TJP1: variants seen among roughly 807,000 people sequenced by gnomAD.
TJP1 encodes tight junction protein 1, also known as tight junction protein ZO-1.
TJP1 carries 43 observed loss-of-function variants against 194.2 expected under a neutral mutation model. The observed-to-expected ratio is 0.22, with a 90% CI of 0.17 to 0.29. The LOEUF (loss-of-function observed/expected upper bound fraction) is 0.29, where lower values mean the gene tolerates loss of function less well. Among genes scored for constraint, TJP1 ranks in the 10% least tolerant of loss-of-function variants. The pLI is 1.00. For missense variants in TJP1, 1,971 were observed against 2,185.7 expected, an observed-to-expected ratio of 0.90 and a Z score of 1.96; for synonymous variants, 801 against 779.0, an observed-to-expected ratio of 1.03 and a Z score of -0.47.
intron 1 of TJP1, among the ~76,000 whole-genome samples, chr15:29,803,984 A>T (rs2048956017): frequency 6.6e-6 from 1 of 152,030 alleles, no homozygotes. Context: ...AACCAACTTA[A>T]TCCATAATAT....
chr15:29,909,665 A>C (rs139510409), intron 2 of TJP1, among the ~76,000 whole-genome samples: 69 of 152,162 alleles, frequency 4.5e-4, no homozygotes, highest in African/African-American at 1.6e-3. Flanking sequence ...CCACTGTGCA[A>C]AGACCTGCTG....
intron 2 of TJP1, among the ~76,000 whole-genome samples, chr15:29,929,134 T>C (rs1339392951): frequency 2.6e-5 from 4 of 151,998 alleles, no homozygotes; most frequent in Non-Finnish European, 4.4e-5. Context: ...GATCAAAGAA[T>C]CTTTATCATA....
intron 5 of TJP1, among the ~76,000 whole-genome samples, chr15:29,765,906 C>CAAA (rs2046303099): frequency 6.6e-6 from 1 of 152,072 alleles, no homozygotes; most frequent in Non-Finnish European, 1.5e-5. Flanking sequence ...ACAAAAACAA[C>CAAA]AACAACAACA....
chr15:29,940,928 A>G (rs2055051365), intron 2 of TJP1, among the ~76,000 whole-genome samples: 1 of 152,098 alleles, frequency 6.6e-6, no homozygotes, highest in Admixed American at 6.6e-5. Context: ...GCACCCAGAG[A>G]TGAGTCCACT....
rs1332397222 is a variant in TJP1, at chr15:29,728,007, C to T, written c.2030G>A (p.Arg677Gln). 1.1e-5 allele frequency: 18 copies of T among 1,613,858 alleles called. No homozygotes were observed. Among genetic ancestry groups the T allele is most frequent in the Admixed American group, 3.3e-5 (2 of 59,994 alleles). ...GCTACGTTGGTCAGTTCCAGCGTCT[C>T]GTGGTTCACTCTCTATTCATTATGT... ...DIYQIAKSEP[R>Q]DAGTDQRSSG... Residue 677 changes from arginine to glutamine, a missense_variant, in exon 16 of 28, where the codon CGA (arginine) becomes CAA (glutamine). Physicochemically the swap from Arg to Gln is conservative, Grantham distance 43. Around this residue, in one of 5 missense-constraint regions of TJP1, gnomAD observed 402 missense variants for 484.2 expected, o/e 0.83. Transcript: ENST00000614355.
rs555695505 is a variant in TJP1 at position 29,955,090 on chromosome 15, A to T, written c.306+1142T>A. On this transcript the variant is annotated intron_variant, in intron 2 of 28. Transcript: ENST00000356107. The stretch of plus-strand genomic sequence containing the variant: ...GCAAGACTCCATCTCAGAAAAAAAA[A>T]AATAATAATAATAGAGTATTCACAT... Among the ~76,000 whole-genome samples the T allele has an allele frequency of 1.4e-3, 207 of 152,258 alleles. 1 individual carries two copies. The highest frequency in any genetic ancestry group is 3.8e-3 in the African/African-American group (159 of 41,570).
At chr15:29,764,166 G>A (rs1482362707) in intron 5 of TJP1, among the ~76,000 whole-genome samples, 2 of 152,194 alleles carry the variant, frequency 1.3e-5, no homozygotes, top group Admixed American at 6.5e-5. Context: ...AATCCCAAAT[G>A]CGGTGAGTTC....
chr15:29,933,452 T>C (rs1249861504), intron 2 of TJP1, among the ~76,000 whole-genome samples: 2 of 152,138 alleles, frequency 1.3e-5, no homozygotes, highest in Non-Finnish European at 2.9e-5. Flanking sequence ...CAGGATATTG[T>C]GGAAGAATGT....
At chr15:29,944,704 C>T (rs976350945) in intron 2 of TJP1, among the ~76,000 whole-genome samples, 1 of 152,114 alleles carries the variant, frequency 6.6e-6, no homozygotes, top group East Asian at 1.9e-4. Flanking sequence ...TTAAATCAAT[C>T]GGATTTTACC....
intron 11 of TJP1, among the ~76,000 whole-genome samples, chr15:29,735,535 C>T (rs573678343): frequency 2.7e-5 from 4 of 148,872 alleles, no homozygotes; most frequent in African/African-American, 5.0e-5. Flanking sequence ...TGCAGTGAGC[C>T]GTGATCACAC....
intron 2 of TJP1, among the ~76,000 whole-genome samples, chr15:29,849,098 AT>A (rs2152079042): frequency 6.6e-6 from 1 of 152,298 alleles, no homozygotes; most frequent in African/African-American, 2.4e-5. Flanking sequence ...GAAACTTTAA[AT>A]TTAATTACAT....
In TJP1 at chr15:29,716,906, G is replaced by T. The variant is rs527810187; in HGVS notation, c.3975-68C>A. ...TAATGTTATGAAGGAAGTAGAATAT[G>T]TAAGTCTTATCTTGACTAAAAGGTC... On this transcript the variant is annotated intron_variant, in intron 22 of 27. Coordinates refer to ENST00000614355, the MANE Select transcript of TJP1 (RefSeq NM_001330239.4). 23 of 1,362,768 alleles carry T rather than the reference G, an allele frequency of 1.7e-5. No individual in the cohort carries two copies. In the East Asian group the frequency reaches 3.0e-4, roughly 18 times the overall value. The allele number at this position is 1,362,768 out of a possible 1,614,324, so 84.4% of individuals were successfully genotyped here. A position where few individuals can be genotyped will look rare whatever the true frequency, so the allele number is the denominator to read the frequency against.
At position 29,742,090 on chromosome 15, in the gene TJP1, C is replaced by CA. The variant is rs562071033; in HGVS notation, c.1150+551dup. Among the ~76,000 whole-genome samples the CA allele has an allele frequency of 5.4e-4, 82 of 151,926 alleles. No individual in the cohort carries two copies. In the South Asian group the frequency reaches 6.7e-3, roughly 12 times the overall value. On this transcript the variant is annotated intron_variant, in intron 9 of 27. Coordinates refer to ENST00000614355, the MANE Select transcript of TJP1 (RefSeq NM_001330239.4). ...AACAACAAAAAACAAAGAAAACCCACAAAAAAACCCCAGAAAACCCAAAAT... is the reference window on the plus strand; with the variant it reads ...AACAACAAAAAACAAAGAAAACCCACAAAAAAAACCCCAGAAAACCCAAAAT...
chr15:29,898,515 T>C (rs2053544760), intron 2 of TJP1, among the ~76,000 whole-genome samples: 1 of 152,216 alleles, frequency 6.6e-6, no homozygotes, highest in African/African-American at 2.4e-5. Context: ...TATTTAATTT[T>C]CATCAATAGT....
intron 6 of TJP1, 49 bp from the exon 7 acceptor site, chr15:29,761,818 A>G: frequency 7.0e-7 from 1 of 1,436,326 alleles, no homozygotes. Context: ...TAAAATACAA[A>G]TGTTAACTTA....
At chr15:29,839,503 G>C (rs1205854886) in intron 2 of TJP1, among the ~76,000 whole-genome samples, 1 of 152,072 alleles carries the variant, frequency 6.6e-6, no homozygotes, top group Non-Finnish European at 1.5e-5. Context: ...AAATTAGCAG[G>C]GTGTGGTGGT....
intron 2 of TJP1, among the ~76,000 whole-genome samples, chr15:29,796,447 G>A (rs531680744): frequency 4.1e-5 from 6 of 146,260 alleles, no homozygotes; most frequent in Non-Finnish European, 9.0e-5. Context: ...AGAAACATGA[G>A]ATATTTAACT....
intron 1 of TJP1, among the ~76,000 whole-genome samples, chr15:29,814,006 G>A (rs1016336028): frequency 6.6e-6 from 1 of 152,186 alleles, no homozygotes; most frequent in African/African-American, 2.4e-5. Flanking sequence ...TATTCAAGGA[G>A]CTGTTAAGCA....
Position 29,808,211 on chromosome 15 carries a change from T to A in TJP1, c.28-7509A>T, listed in dbSNP as rs577539368. ...TGAACCCAGGAGGTGGAGTTTGCAG[T>A]GAGCCGAGATTGCACCACTGCACTC... On this transcript the variant is annotated intron_variant, in intron 1 of 27. Coordinates refer to ENST00000614355, the MANE Select transcript of TJP1 (RefSeq NM_001330239.4). Among the ~76,000 whole-genome samples the A allele has an allele frequency of 1.7e-4, 26 of 152,254 alleles. 1 individual carries two copies. The East Asian group carries it at 3.9e-3, about 23-fold the overall frequency.
Sources: gnomAD v4.1 joint callset for allele counts (sites outside exome capture counted in the v4.1 genomes callset) on GRCh38, gnomAD v4.1.1 for gene constraint, gnomAD v4.1.1 regional missense constraint, MANE v1.5 for transcripts, NCBI Gene and HGNC (gene_info 2026-07-23, HGNC 2026-07-21) for gene names.